CCDC73: variants seen among roughly 807,000 people sequenced by gnomAD.
CCDC73 encodes the protein coiled-coil domain containing 73.
CCDC73 carries 95 observed loss-of-function variants against 116.5 expected under a neutral mutation model. The ratio of observed to expected loss-of-function variants is 0.82; its 90% CI spans 0.69 to 0.97. The LOEUF (loss-of-function observed/expected upper bound fraction) is 0.97. CCDC73 is among the 50% of genes least tolerant of loss of function. The pLI, the probability that CCDC73 is intolerant of heterozygous loss-of-function variation, is 0.00. For missense variants in CCDC73, 1,066 were observed against 1,206.8 expected, an observed-to-expected ratio of 0.88 and a Z score of 1.73; for synonymous variants, 398 against 401.3, an observed-to-expected ratio of 0.99 and a Z score of 0.10.
chr11:32,607,182 TC>T (rs1855364829), intron 17 of CCDC73, among the ~76,000 whole-genome samples: 1 of 126,152 alleles, frequency 7.9e-6, no homozygotes, highest in Admixed American at 1.0e-4. Context: ...AAGCTCCGCC[TC>T]CCGGGTTCAC....
chr11:32,806,103 A>G, the CCDC73 span, among the ~76,000 whole-genome samples: 39,434 of 152,140 alleles, frequency 0.26, 6,128 homozygotes, highest in East Asian at 0.79. Flanking sequence ...TTGACCCAAG[A>G]TAATAATGGG....
At chr11:32,801,642 A>C in the CCDC73 span, among the ~76,000 whole-genome samples, 1 of 49,224 alleles carries the variant, frequency 2.0e-5, no homozygotes, top group Non-Finnish European at 4.4e-5. Flanking sequence ...CTCCATCTCA[A>C]AAAAAAAAAA....
the CCDC73 span, among the ~76,000 whole-genome samples, chr11:32,823,179 A>G: frequency 3.3e-5 from 5 of 152,220 alleles, no homozygotes; most frequent in Admixed American, 6.5e-5. Flanking sequence ...TAAATCTTAA[A>G]ATATTGAAGA....
At chr11:32,706,291 T>G (rs1320193878) in intron 3 of CCDC73, among the ~76,000 whole-genome samples, 2 of 152,196 alleles carry the variant, frequency 1.3e-5, no homozygotes, top group Admixed American at 1.3e-4. Context: ...TTCCTCAATT[T>G]TTGTGAATAG....
chr11:32,619,470 A>G (rs1163388392), intron 14 of CCDC73, among the ~76,000 whole-genome samples: 1 of 152,206 alleles, frequency 6.6e-6, no homozygotes. Flanking sequence ...CAGGAGTTTG[A>G]GACCAGCTTA....
intron 1 of CCDC73, 25 bp from the exon 2 acceptor site, chr11:32,760,283 GA>G (rs11442361): frequency 9.0e-6 from 11 of 1,227,086 alleles, no homozygotes; most frequent in South Asian, 5.8e-5. Context: ...GGTCTTAACT[GA>G]AAAAAAATTA....
chr11:32,726,142 T>C (rs1850028166), intron 2 of CCDC73, among the ~76,000 whole-genome samples: 1 of 152,184 alleles, frequency 6.6e-6, no homozygotes, highest in African/African-American at 2.4e-5. Flanking sequence ...TTACAACTTT[T>C]CATGCACAAA....
chr11:32,611,402 T>A, intron 16 of CCDC73, 137 bp from the exon 17 acceptor site: 1 of 759,124 alleles, frequency 1.3e-6, no homozygotes, highest in African/African-American at 1.8e-5. Context: ...TATTTTGCAG[T>A]TGTCCTAGAC....
intron 8 of CCDC73, 33 bp downstream of exon 8, chr11:32,675,853 T>C: frequency 6.6e-7 from 1 of 1,512,190 alleles, no homozygotes; most frequent in Non-Finnish European, 9.0e-7. Flanking sequence ...CATTCTCTAC[T>C]GAATATGTAT....
At chr11:32,819,163 A>AT in the CCDC73 span, among the ~76,000 whole-genome samples, 84,335 of 148,864 alleles carry the variant, frequency 0.57, 23,958 homozygotes, top group South Asian at 0.66. Flanking sequence ...TAGGACAGTG[A>AT]TTTTTTTTTT....
At chr11:32,798,443 G>A (rs1850741474), upstream of CCDC73, among the ~76,000 whole-genome samples, 2 of 152,172 alleles carry the variant, frequency 1.3e-5, no homozygotes, top group East Asian at 3.9e-4. Context: ...GAGTAGCTGG[G>A]ACCACAGGCG....
chr11:32,739,269 G>A (rs1188501778), intron 2 of CCDC73, among the ~76,000 whole-genome samples: 1 of 151,996 alleles, frequency 6.6e-6, no homozygotes, highest in Admixed American at 6.6e-5. Flanking sequence ...CTTTAAATTT[G>A]TAGATTGCTG....
intron 14 of CCDC73, among the ~76,000 whole-genome samples, chr11:32,623,982 G>A (rs1855545818): frequency 6.6e-6 from 1 of 152,096 alleles, no homozygotes; most frequent in African/African-American, 2.4e-5. Context: ...ATACATGGCT[G>A]GTAGGACTAT....
chr11:32,693,046 C>T (rs1856274914), intron 6 of CCDC73, among the ~76,000 whole-genome samples: 1 of 152,182 alleles, frequency 6.6e-6, no homozygotes, highest in African/African-American at 2.4e-5. Context: ...AAAGAATTCA[C>T]TAAAGCTAAA....
chr11:32,737,022 T>C (rs1850137597), intron 2 of CCDC73, among the ~76,000 whole-genome samples: 1 of 150,798 alleles, frequency 6.6e-6, no homozygotes, highest in Non-Finnish European at 1.5e-5. Context: ...GGCTGGACTC[T>C]TAACTCTTCC....
intron 1 of CCDC73, among the ~76,000 whole-genome samples, chr11:32,776,396 T>C (rs1456610603): frequency 6.6e-6 from 1 of 152,186 alleles, no homozygotes; most frequent in Non-Finnish European, 1.5e-5. Context: ...CAAATTCCTG[T>C]GCCTAATATT....
chr11:32,778,415 T>G (rs2133394000), intron 1 of CCDC73, among the ~76,000 whole-genome samples: 1 of 152,354 alleles, frequency 6.6e-6, no homozygotes, highest in African/African-American at 2.4e-5. Context: ...TTGTTTAATT[T>G]ATCAAATGCT....
At chr11:32,611,097 T>C in intron 17 of CCDC73, 35 bp downstream of exon 17, 1 of 1,609,072 alleles carries the variant, frequency 6.2e-7, no homozygotes, top group East Asian at 2.2e-5. Context: ...ATTAGCTCAC[T>C]AAGGTCTGCT....
At chr11:32,665,310 T>C (rs1402778305) in intron 9 of CCDC73, among the ~76,000 whole-genome samples, 1 of 152,158 alleles carries the variant, frequency 6.6e-6, no homozygotes, top group African/African-American at 2.4e-5. Flanking sequence ...TTTGTAGGTC[T>C]CTAAGGACTT....
Sources: gnomAD v4.1 joint callset for allele counts (sites outside exome capture counted in the v4.1 genomes callset) on GRCh38, gnomAD v4.1.1 for gene constraint, MANE v1.5 for transcripts, NCBI Gene and HGNC (gene_info 2026-07-23, HGNC 2026-07-21) for gene names.